Variants in MTCL3 observed in about 807,000 individuals in gnomAD.
The protein encoded by MTCL3 is microtubule cross-linking factor 3.
the MTCL3 span, among the ~76,000 whole-genome samples, chr6:127,494,373 G>T: frequency 6.6e-6 from 1 of 150,568 alleles, no homozygotes; most frequent in African/African-American, 2.4e-5. Context: ...TCAGAAAGAA[G>T]AAAAAAAAAT....
the MTCL3 span, chr6:127,481,356 G>A: frequency 3.0e-6 from 3 of 985,206 alleles, no homozygotes; most frequent in African/African-American, 5.2e-5. Context: ...TAGTGACAGA[G>A]TATATTTGGA....
the MTCL3 span, among the ~76,000 whole-genome samples, chr6:127,496,861 G>A: frequency 6.6e-6 from 1 of 152,140 alleles, no homozygotes; most frequent in Non-Finnish European, 1.5e-5. Context: ...CGGATACATG[G>A]TATGACACAG....
At chr6:127,516,575 C>T in the MTCL3 span, 1 of 1,597,846 alleles carries the variant, frequency 6.3e-7, no homozygotes, top group Non-Finnish European at 8.5e-7. Flanking sequence ...GAAGCTGCTG[C>T]TGTGGCAGGG....
the MTCL3 span, chr6:127,476,234 C>T: frequency 5.6e-6 from 9 of 1,614,156 alleles, no homozygotes; most frequent in African/African-American, 6.7e-5. The surrounding 1 kb of genome is among the most constrained non-coding windows in gnomAD (Gnocchi z 4.4). Flanking sequence ...AGGATGTTGG[C>T]TTCTTCCTCC....
At chr6:127,512,987 T>G in the MTCL3 span, 1 of 1,611,912 alleles carries the variant, frequency 6.2e-7, no homozygotes, top group South Asian at 1.1e-5. Context: ...CTTCTGTTGT[T>G]GTTCTCTTTT....
the MTCL3 span, among the ~76,000 whole-genome samples, chr6:127,499,827 G>A: frequency 6.6e-6 from 1 of 152,178 alleles, no homozygotes; most frequent in Non-Finnish European, 1.5e-5. Flanking sequence ...GCTGACAGGT[G>A]GAAGGTGGGA....
At chr6:127,491,664 G>A in the MTCL3 span, among the ~76,000 whole-genome samples, 2,641 of 152,014 alleles carry the variant, frequency 0.017, 35 homozygotes, top group Non-Finnish European at 0.023. Flanking sequence ...ATGGGAATAT[G>A]TGAGTAGACC....
chr6:127,503,422 C>T, the MTCL3 span, among the ~76,000 whole-genome samples: 1 of 152,204 alleles, frequency 6.6e-6, no homozygotes, highest in African/African-American at 2.4e-5. Flanking sequence ...ATCTCTCCAG[C>T]CAAATTAGCT....
At chr6:127,479,423 A>G in the MTCL3 span, among the ~76,000 whole-genome samples, 1 of 152,224 alleles carries the variant, frequency 6.6e-6, no homozygotes, top group South Asian at 2.1e-4. Context: ...GAGACTGGGA[A>G]GCCAGGTAGG....
chr6:127,501,325 C>T, the MTCL3 span, among the ~76,000 whole-genome samples: 2 of 152,272 alleles, frequency 1.3e-5, no homozygotes, highest in South Asian at 4.1e-4. Context: ...TAATACTTCC[C>T]ATATAACAGA....
chr6:127,507,242 C>T, the MTCL3 span, among the ~76,000 whole-genome samples: 1 of 152,114 alleles, frequency 6.6e-6, no homozygotes, highest in Non-Finnish European at 1.5e-5. Flanking sequence ...CAGGTAAAAA[C>T]CTGTATTTGT....
At chr6:127,518,792 G>C in the MTCL3 span, 1 of 152,216 alleles carries the variant, frequency 6.6e-6, no homozygotes, top group African/African-American at 2.4e-5. Context: ...TGGCGGTAAC[G>C]TCAAGATTCA....
At chr6:127,476,111 T>TCTG in the MTCL3 span, 1 of 1,614,026 alleles carries the variant, frequency 6.2e-7, no homozygotes, top group Non-Finnish European at 8.5e-7. The surrounding 1 kb of genome is among the most constrained non-coding windows in gnomAD (Gnocchi z 4.4). Context: ...AGGGATTCGC[T>TCTG]CTGCTCCCTC....
At chr6:127,493,738 C>T in the MTCL3 span, among the ~76,000 whole-genome samples, 2 of 152,164 alleles carry the variant, frequency 1.3e-5, no homozygotes, top group African/African-American at 4.8e-5. Flanking sequence ...ATTTTAAAAG[C>T]TGAGAAAACT....
At chr6:127,500,521 A>T in the MTCL3 span, among the ~76,000 whole-genome samples, 3 of 151,902 alleles carry the variant, frequency 2.0e-5, no homozygotes, top group East Asian at 1.9e-4. Context: ...AATACCTATA[A>T]TTTTTTTTAA....
chr6:127,499,899 C>A, the MTCL3 span, among the ~76,000 whole-genome samples: 4 of 152,172 alleles, frequency 2.6e-5, no homozygotes, highest in Non-Finnish European at 5.9e-5. Context: ...CATTTTTAGG[C>A]AGTAGCTAAG....
At chr6:127,481,243 A>G in the MTCL3 span, 12 of 942,042 alleles carry the variant, frequency 1.3e-5, no homozygotes, top group Non-Finnish European at 1.5e-5. Context: ...TACTCCATAA[A>G]CAAGGTAGGA....
chr6:127,481,175 A>C, the MTCL3 span: 92 of 557,700 alleles, frequency 1.6e-4, no homozygotes, highest in African/African-American at 1.8e-3. Flanking sequence ...GGTTGAAAAG[A>C]ATAAATAAAC....
At chr6:127,489,191 T>C in the MTCL3 span, among the ~76,000 whole-genome samples, 1 of 152,208 alleles carries the variant, frequency 6.6e-6, no homozygotes, top group Non-Finnish European at 1.5e-5. Context: ...ATCTTTGATG[T>C]TACTCTTTCA....
Sources: gnomAD v4.1 joint callset for allele counts (sites outside exome capture counted in the v4.1 genomes callset) on GRCh38, gnomAD v4.1.1 for gene constraint, Gnocchi (gnomAD v3.1) non-coding constraint, MANE v1.5 for transcripts, NCBI Gene and HGNC (gene_info 2026-07-23, HGNC 2026-07-21) for gene names.